Variants in GOT2 observed in about 807,000 individuals in gnomAD.
GOT2 encodes glutamic-oxaloacetic transaminase 2.
GOT2 carries 17 observed loss-of-function variants against 50.0 expected under a neutral mutation model. That is an observed-to-expected ratio of 0.34 (90% CI 0.23 to 0.51). The LOEUF is 0.51. GOT2 is among the 20% of genes least tolerant of loss of function. The probability of loss-of-function intolerance (pLI) is 0.97; values close to 1 mark genes in which losing one functional copy is unlikely to be tolerated. For missense variants in GOT2, 430 were observed against 559.6 expected (o/e 0.77, Z 2.34); for synonymous variants, 172 against 204.9 (o/e 0.84, Z 1.37).
At position 58,718,837 on chromosome 16, in the gene GOT2, C is replaced by T. The variant is rs2044717643; in HGVS notation, c.436-149G>A. On this transcript the variant is annotated intron_variant, in intron 4 of 9. Transcript: ENST00000245206. ...AGTATTGACTCAGCAGTAAGACTGC[C>T]TGGGTTGGAATAGTCTCTGACAGTT... 4.5e-6 allele frequency: 3 copies of T among 668,212 alleles called. No individual in the cohort carries two copies. The African/African-American group carries it at 5.4e-5, about 12-fold the overall frequency. The allele number at this position is 668,212 out of a possible 1,614,324, so 41.4% of individuals were successfully genotyped here.
chr16:58,722,072 G>A (rs1038270327), intron 3 of GOT2, 78 bp downstream of exon 3: 10 of 1,526,274 alleles, frequency 6.6e-6, no homozygotes, highest in Admixed American at 5.1e-5. Context: ...GAGCCATCGC[G>A]CCTGGCCTAA....
At chr16:58,725,072 T>C (rs770492020) in intron 1 of GOT2, among the ~76,000 whole-genome samples, 3 of 151,904 alleles carry the variant, frequency 2.0e-5, no homozygotes, top group Non-Finnish European at 2.9e-5. Flanking sequence ...AGAACAGTAA[T>C]TGTATTTTGT....
chr16:58,715,562 T>C (rs146572527), intron 8 of GOT2, among the ~76,000 whole-genome samples: 1,858 of 152,148 alleles, frequency 0.012, 15 homozygotes, highest in Middle Eastern at 0.037. Context: ...TATCTATATA[T>C]ATAGATTGAG....
intron 1 of GOT2, among the ~76,000 whole-genome samples, chr16:58,732,421 G>A (rs2044842038): frequency 6.6e-6 from 1 of 152,202 alleles, no homozygotes; most frequent in Non-Finnish European, 1.5e-5. Flanking sequence ...TGATCAATTA[G>A]TTGTAAACAC....
chr16:58,722,168 T>A lies in GOT2; in HGVS notation c.357A>T (p.Glu119Asp), dbSNP rs750605522. ...SAELALGENS[E>D]VLKSGRFVTV... ...AGCTTACCCGGCCACTCTTCAAGAC[T>A]TCGCTGTTCTCACCCAGGGCTAGTT... The change falls in exon 3 of 10, where the codon GAA becomes GAT. Residue 119 changes from glutamate (E) to aspartate (D), a missense_variant. Glu to Asp is a conservative substitution (Grantham distance 45). Coordinates refer to ENST00000245206, the MANE Select transcript of GOT2 (RefSeq NM_002080.4). 10 of 1,612,054 alleles carry A rather than the reference T, an allele frequency of 6.2e-6. No individual in the cohort carries two copies. The highest frequency in any genetic ancestry group is 8.5e-6 in the Non-Finnish European group (10 of 1,179,936).
chr16:58,732,115 G>C (rs980655372), intron 1 of GOT2, among the ~76,000 whole-genome samples: 2 of 152,190 alleles, frequency 1.3e-5, no homozygotes, highest in Non-Finnish European at 2.9e-5. Context: ...AGGAGTCTGA[G>C]ACCAACACAG....
chr16:58,718,540 A>G lies in GOT2; in HGVS notation c.584T>C (p.Val195Ala), dbSNP rs147418084. Reference sequence around the variant, plus strand: ...AGCCACACTTACTGAAATATCCTCCACAGCGCCTGTGAAGTCAAAACCGCA... The same window carrying G: ...AGCCACACTTACTGAAATATCCTCCGCAGCGCCTGTGAAGTCAAAACCGCA... Reference protein sequence around the residue: ...KTCGFDFTGAVEDISKIPEQS... With the variant: ...KTCGFDFTGAAEDISKIPEQS... The change falls in exon 5 of 10, where the codon GTG becomes GCG. Residue 195 changes from valine (V) to alanine (A), a missense_variant. Transcript: ENST00000245206. The G allele has an allele frequency of 6.3e-6, 10 of 1,583,794 alleles. No homozygotes were observed. In the African/African-American group the frequency reaches 9.5e-5, roughly 15 times the overall value.
intron 1 of GOT2, among the ~76,000 whole-genome samples, chr16:58,733,720 A>G (rs1326702457): frequency 1.3e-5 from 2 of 151,720 alleles, no homozygotes; most frequent in Admixed American, 1.3e-4. Context: ...CGGCCCACCG[A>G]CTCGGGCGGG....
chr16:58,730,587 A>G (rs1246121826), intron 1 of GOT2, among the ~76,000 whole-genome samples: 1 of 151,508 alleles, frequency 6.6e-6, no homozygotes, highest in African/African-American at 2.4e-5. Context: ...TTGGTCTCCA[A>G]CTCTTGAGCT....
At chr16:58,719,388 G>A in intron 3 of GOT2, 133 bp from the exon 4 acceptor site, 3 of 599,632 alleles carry the variant, frequency 5.0e-6, no homozygotes, top group Non-Finnish European at 6.1e-6. Flanking sequence ...ATCATTTCAT[G>A]TTACACGGGA....
At chr16:58,722,093 A>G in intron 3 of GOT2, 57 bp downstream of exon 3, 1 of 1,594,086 alleles carries the variant, frequency 6.3e-7, no homozygotes, top group Non-Finnish European at 8.6e-7. Context: ...AATTGTTTAA[A>G]TAATTACAAA....
intron 2 of GOT2, 57 bp from the exon 3 acceptor site, chr16:58,722,335 ATTAATGT>A: frequency 6.5e-7 from 1 of 1,530,614 alleles, no homozygotes; most frequent in Non-Finnish European, 9.0e-7. Flanking sequence ...AATTACTATG[ATTAATGT>A]TTAAAGTTTT....
intron 8 of GOT2, among the ~76,000 whole-genome samples, chr16:58,715,279 T>C (rs144038472): frequency 1.2e-4 from 18 of 152,308 alleles, no homozygotes; most frequent in Non-Finnish European, 2.5e-4. Context: ...TTTTCCTATG[T>C]AAGGTACTTA....
chr16:58,713,260 C>T (rs1440657253), intron 8 of GOT2, among the ~76,000 whole-genome samples: 1 of 152,116 alleles, frequency 6.6e-6, no homozygotes, highest in Non-Finnish European at 1.5e-5. Flanking sequence ...AATATACTTA[C>T]ATGTTAATAT....
chr16:58,721,389 G>T (rs550031819), intron 3 of GOT2, among the ~76,000 whole-genome samples: 13 of 152,314 alleles, frequency 8.5e-5, no homozygotes, highest in Admixed American at 2.6e-4. Flanking sequence ...GCTGTGAAGG[G>T]ACAGCAGAGG....
chr16:58,733,364 G>GCCTGT (rs2044850679), intron 1 of GOT2, among the ~76,000 whole-genome samples: 3 of 152,138 alleles, frequency 2.0e-5, no homozygotes, highest in Admixed American at 6.5e-5. Flanking sequence ...CTGGTCCAGA[G>GCCTGT]CCTGGCTCTG....
chr16:58,718,175 C>T, intron 6 of GOT2, 21 bp downstream of exon 6: 1 of 1,513,776 alleles, frequency 6.6e-7, no homozygotes, highest in Non-Finnish European at 9.2e-7. Flanking sequence ...GAACTGTCGC[C>T]AGTGAGTTCA....
intron 1 of GOT2, among the ~76,000 whole-genome samples, chr16:58,729,002 A>G (rs574270904): frequency 6.6e-6 from 1 of 151,866 alleles, no homozygotes; most frequent in African/African-American, 2.4e-5. Flanking sequence ...CTGCTTTTCA[A>G]TTACTACTGC....
At chr16:58,725,156 C>T (rs1484229165) in intron 1 of GOT2, among the ~76,000 whole-genome samples, 1 of 150,342 alleles carries the variant, frequency 6.7e-6, no homozygotes, top group African/African-American at 2.5e-5. Context: ...ACTCTGTCAC[C>T]CAGGCTGGAG....
Sources: allele counts gnomAD v4.1 joint callset (sites outside exome capture counted in the v4.1 genomes callset), GRCh38; gene constraint gnomAD v4.1.1; transcripts MANE v1.5; gene names NCBI Gene and HGNC (gene_info 2026-07-23, HGNC 2026-07-21).